The following SLC20A2 variants were observed in gnomAD, a reference collection of about 807,000 sequenced individuals.
SLC20A2 encodes the protein solute carrier family 20 member 2, also known as sodium-dependent phosphate transporter 2.
SLC20A2 carries 30 observed loss-of-function variants against 61.0 expected under a neutral mutation model. The ratio of observed to expected loss-of-function variants is 0.49; its 90% confidence interval spans 0.37 to 0.67. SLC20A2 has a LOEUF of 0.67. Ranked by LOEUF, SLC20A2 falls within the 30% of genes least tolerant of loss-of-function variation. The probability of loss-of-function intolerance (pLI) is 0.00; values close to 1 mark genes in which losing one functional copy is unlikely to be tolerated. For synonymous variants in SLC20A2, 351 were observed against 353.3 expected (o/e 0.99, Z 0.07); for missense variants, 626 against 866.4 (o/e 0.72, Z 3.48).
rs770462505 is a variant in SLC20A2, at chr8:42,437,523, G to A, written c.989C>T (p.Thr330Ile). 8 of 1,614,014 alleles carry A rather than the reference G, an allele frequency of 5.0e-6. No homozygotes were observed. The highest frequency in any genetic ancestry group is 2.7e-5 in the African/African-American group (2 of 74,926). The change falls in exon 8 of 11, where the codon ACC becomes ATC. Residue 330 changes from threonine to isoleucine, a missense_variant. Physicochemically the swap from Thr to Ile is moderately conservative, Grantham distance 89. Transcript: ENST00000520262. This position sits in a 1 kb window ranked among gnomAD's most constrained non-coding sequence, Gnocchi z 6.4. ...CCTGGTGTGGCCGTCGAAGCCGAAG[G>A]TGCCGTTGGAGATGGGCGATTTCAC... ...GSVKSPISNG[T>I]FGFDGHTRSD...
chr8:42,463,845 A>G (rs1210817009), intron 3 of SLC20A2, among the ~76,000 whole-genome samples: 1 of 152,104 alleles, frequency 6.6e-6, no homozygotes, highest in African/African-American at 2.4e-5. Context: ...TAAGGTCATC[A>G]TGATTCTTGT....
intron 10 of SLC20A2, among the ~76,000 whole-genome samples, chr8:42,426,912 C>T (rs1255984147): frequency 1.3e-5 from 2 of 152,068 alleles, no homozygotes; most frequent in African/African-American, 2.4e-5. Context: ...GTCTCCTCCA[C>T]GCTCCACACA....
intron 10 of SLC20A2, among the ~76,000 whole-genome samples, chr8:42,420,570 A>C (rs919034815): frequency 6.6e-6 from 1 of 152,214 alleles, no homozygotes; most frequent in Non-Finnish European, 1.5e-5. Context: ...ACAGTCAGCT[A>C]TTCAACCTTT....
intron 1 of SLC20A2, among the ~76,000 whole-genome samples, chr8:42,506,527 A>G (rs1419941705): frequency 6.6e-6 from 1 of 152,210 alleles, no homozygotes; most frequent in East Asian, 1.9e-4. Flanking sequence ...AATTTGGGAT[A>G]TTTACTGAGT....
At chr8:42,427,150 C>T (rs903114899) in intron 10 of SLC20A2, among the ~76,000 whole-genome samples, 2 of 152,236 alleles carry the variant, frequency 1.3e-5, no homozygotes, top group African/African-American at 4.8e-5. Context: ...CTGGCCATGC[C>T]GTCCATGTGG....
chr8:42,505,870 C>T (rs954870366), upstream of SLC20A2, among the ~76,000 whole-genome samples: 20 of 150,514 alleles, frequency 1.3e-4, no homozygotes, highest in African/African-American at 4.4e-4. Flanking sequence ...GCCTGGATGA[C>T]AGAGTGAGAC....
At chr8:42,447,613 G>GC (rs1368458422) in intron 5 of SLC20A2, among the ~76,000 whole-genome samples, 1 of 152,130 alleles carries the variant, frequency 6.6e-6, no homozygotes, top group Non-Finnish European at 1.5e-5. Context: ...GGAAGGTGGA[G>GC]CTGCAGTGAG....
intron 3 of SLC20A2, among the ~76,000 whole-genome samples, chr8:42,464,090 A>ATTTTTT (rs1563488008): frequency 1.0e-3 from 21 of 20,014 alleles, no homozygotes; most frequent in East Asian, 2.3e-3. Flanking sequence ...AGGCTGGATG[A>ATTTTTT]TCTTTTTTTT....
intron 1 of SLC20A2, among the ~76,000 whole-genome samples, chr8:42,532,988 C>G (rs1045612398): frequency 6.6e-6 from 1 of 152,038 alleles, no homozygotes; most frequent in Non-Finnish European, 1.5e-5. Context: ...ATAAGAAATT[C>G]TGGACCGAAG....
chr8:42,474,573 T>G (rs1282073302), intron 1 of SLC20A2, among the ~76,000 whole-genome samples: 3 of 152,068 alleles, frequency 2.0e-5, no homozygotes, highest in Non-Finnish European at 4.4e-5. Flanking sequence ...AATCAAAACT[T>G]TAAAAATTGG....
At chr8:42,490,530 G>A (rs1809432023) in intron 1 of SLC20A2, among the ~76,000 whole-genome samples, 1 of 152,176 alleles carries the variant, frequency 6.6e-6, no homozygotes, top group African/African-American at 2.4e-5. Context: ...CCAGGAGGCG[G>A]AGGTTGCAGT....
At chr8:42,541,138 C>T (rs983073347) in intron 1 of SLC20A2, 1 of 152,188 alleles carries the variant, frequency 6.6e-6, no homozygotes. Context: ...TACACGACCC[C>T]TCCCCCGCCG....
At chr8:42,454,465 T>C (rs1235476503) in intron 5 of SLC20A2, among the ~76,000 whole-genome samples, 2 of 152,284 alleles carry the variant, frequency 1.3e-5, no homozygotes, top group Non-Finnish European at 2.9e-5. Flanking sequence ...CTCCTGGCCT[T>C]ACTTTATAAT....
Position 42,416,911 on chromosome 8 carries a change from T to C in SLC20A2, c.*892A>G, listed in dbSNP as rs1417190514. 1.3e-5 allele frequency: 2 copies of C among 152,700 alleles called. No homozygotes were observed. Among genetic ancestry groups the C allele is most frequent in the African/African-American group, 2.4e-5 (1 of 41,448 alleles). The allele number at this position is 152,700 out of a possible 1,614,324, so 9.5% of individuals were successfully genotyped here. A position where few individuals can be genotyped will look rare whatever the true frequency, so the allele number is the denominator to read the frequency against. On this transcript the variant is annotated 3_prime_UTR_variant, in exon 11 of 11. Coordinates refer to ENST00000520262, the MANE Select transcript of SLC20A2 (RefSeq NM_001257180.2). ...AACACCTGTGCATTCTCTACTCTGA[T>C]GACAAGGAAAGGCCACTGCAAGGTG...
upstream of SLC20A2, among the ~76,000 whole-genome samples, chr8:42,503,589 T>C (rs1810453593): frequency 1.3e-5 from 2 of 152,248 alleles, no homozygotes; most frequent in Admixed American, 6.5e-5. Flanking sequence ...GATATGATCA[T>C]TTTAATGTGT....
At chr8:42,484,792 TGCGGGAGCACCTGGGCCTG>T (rs1004036886) in intron 1 of SLC20A2, 3 of 314,444 alleles carry the variant, frequency 9.5e-6, no homozygotes, top group African/African-American at 6.6e-5. Flanking sequence ...TCCCATATCA[TGCGGGAGCACCTGGGCCTG>T]GCCTTCCAGA....
intron 1 of SLC20A2, among the ~76,000 whole-genome samples, chr8:42,506,933 C>T (rs1046360163): frequency 7.9e-5 from 12 of 152,188 alleles, no homozygotes; most frequent in Non-Finnish European, 1.5e-4. Context: ...CTTGCAACTT[C>T]GAAATGCCCG....
intron 1 of SLC20A2, among the ~76,000 whole-genome samples, chr8:42,523,838 T>C (rs1811751508): frequency 6.6e-6 from 1 of 152,200 alleles, no homozygotes. Flanking sequence ...CACCACCACA[T>C]TCCCATCCGT....
rs1803600912 is a variant in SLC20A2 at position 42,428,632 on chromosome 8, G to A, written c.1794+126C>T. 1.5e-5 allele frequency: 11 copies of A among 714,512 alleles called. No individual in the cohort carries two copies. The South Asian group carries it at 2.0e-4, about 13-fold the overall frequency. 44.3% of individuals were successfully genotyped at this position (714,512 alleles called of 1,614,324 possible). ...GAGGAATACAAGGTCCCGGAGACCT[G>A]GAGAACCTGGAGCTGCATTTTGCAC... On this transcript the variant is annotated intron_variant, in intron 10 of 10. Transcript: ENST00000520262.
Sources: allele counts gnomAD v4.1 joint callset (sites outside exome capture counted in the v4.1 genomes callset), GRCh38; gene constraint gnomAD v4.1.1; non-coding constraint Gnocchi (gnomAD v3.1); transcripts MANE v1.5; gene names NCBI Gene and HGNC (gene_info 2026-07-23, HGNC 2026-07-21).